TENM4: variants seen among roughly 807,000 people sequenced by gnomAD.
TENM4 encodes teneurin transmembrane protein 4, also known as teneurin-4.
TENM4 carries 82 observed loss-of-function variants against 243.3 expected under a neutral mutation model. The ratio of observed to expected loss-of-function variants is 0.34; its 90% confidence interval spans 0.28 to 0.40. The LOEUF (loss-of-function observed/expected upper bound fraction) is 0.40. TENM4 is among the 10% of genes least tolerant of loss of function. TENM4 has a pLI of 1.00. For synonymous variants in TENM4, 1,412 were observed against 1,456.3 expected (o/e 0.97, Z 0.69); for missense variants, 3,138 against 3,673.3 (o/e 0.85, Z 3.77).
rs567701049 is a variant in TENM4 at position 79,035,454 on chromosome 11, A to G, written c.493+29284T>C. On this transcript the variant is annotated intron_variant, in intron 6 of 33. Transcript: ENST00000278550. ...TATGTCTCTTCATCCTGCCTTTGTC[A>G]TTCCTCCTTAAAACAGTTTTGGTCT... 1.1e-4 allele frequency among the ~76,000 whole-genome samples: 16 copies of G among 151,886 alleles called. 1 individual carries two copies. The East Asian group carries it at 2.9e-3, about 28-fold the overall frequency.
At chr11:78,693,515 T>C (rs1013036730) in intron 28 of TENM4, among the ~76,000 whole-genome samples, 1 of 152,192 alleles carries the variant, frequency 6.6e-6, no homozygotes, top group Non-Finnish European at 1.5e-5. Flanking sequence ...AAGTCTCAGG[T>C]GGGTCAAGAA....
chr11:79,236,582 A>G (rs1339122388), intron 2 of TENM4, among the ~76,000 whole-genome samples: 1 of 152,146 alleles, frequency 6.6e-6, no homozygotes, highest in Non-Finnish European at 1.5e-5. Flanking sequence ...ATGGTGAGCG[A>G]ACCCTCAGAA....
intron 2 of TENM4, among the ~76,000 whole-genome samples, chr11:79,219,728 G>A (rs1358977727): frequency 6.6e-6 from 1 of 152,156 alleles, no homozygotes; most frequent in African/African-American, 2.4e-5. Flanking sequence ...TGACACAACC[G>A]TCTTTCTTCT....
intron 1 of TENM4, among the ~76,000 whole-genome samples, chr11:79,400,536 G>T (rs1331895758): frequency 6.6e-6 from 1 of 152,154 alleles, no homozygotes; most frequent in East Asian, 1.9e-4. Context: ...TCCTCCCTGT[G>T]CTCTTCCTGG....
chr11:79,006,018 A>C (rs769808372), intron 6 of TENM4, among the ~76,000 whole-genome samples: 2 of 152,204 alleles, frequency 1.3e-5, no homozygotes, highest in Non-Finnish European at 2.9e-5. Flanking sequence ...TCACCACAAC[A>C]GAATTATATT....
At position 78,903,520 on chromosome 11, in the gene TENM4, T is replaced by C; in HGVS notation, c.497A>G (p.His166Arg). 1 of 1,546,120 alleles carries C rather than the reference T, an allele frequency of 6.5e-7. No homozygotes were observed. Among genetic ancestry groups the C allele is most frequent in the Non-Finnish European group, 8.7e-7 (1 of 1,146,594 alleles). ...DTEHENTETDHPGGLQNHARL... is the reference protein window; with the variant it reads ...DTEHENTETDRPGGLQNHARL... ...CGCGTGGTTCTGCAGGCCGCCCGGA[T>C]GATCTAGGGCACAAACATGGCGGTC... is the stretch of plus-strand genomic sequence containing the variant. The change falls in exon 7 of 34, where the codon CAT (histidine) becomes CGT (arginine). Residue 166 changes from histidine (H) to arginine (R), a missense_variant. By Grantham distance (29) the His-to-Arg change is conservative (BLOSUM62 0). Transcript: ENST00000278550.
chr11:79,097,921 T>A (rs1861124356), intron 4 of TENM4: 1 of 151,984 alleles, frequency 6.6e-6, no homozygotes, highest in Non-Finnish European at 1.5e-5. Context: ...GTCAGCACAC[T>A]GACCACCAGC....
intron 3 of TENM4, among the ~76,000 whole-genome samples, chr11:79,174,284 A>T (rs963789592): frequency 1.3e-5 from 2 of 151,486 alleles, no homozygotes; most frequent in Non-Finnish European, 2.9e-5. Flanking sequence ...AACGTTGTAC[A>T]TGATGCTCTC....
intron 1 of TENM4, among the ~76,000 whole-genome samples, chr11:79,439,936 G>A (rs949467539): frequency 1.3e-5 from 2 of 152,050 alleles, no homozygotes; most frequent in African/African-American, 4.8e-5. Context: ...CCGGTGAGGA[G>A]AGGCGGGCGC....
At position 78,903,483 on chromosome 11, in the gene TENM4, C is replaced by T. The variant is rs1231103079; in HGVS notation, c.534G>A (p.Thr178=). 19 of 1,546,594 alleles carry T rather than the reference C, an allele frequency of 1.2e-5. No individual in the cohort carries two copies. In the South Asian group the frequency reaches 1.4e-4, roughly 12 times the overall value. ...GGLQNHARLR[T]PPPPLSHAHT... ...GGGCGTGCGAGAGCGGCGGCGGCGG[C>T]GTCCGGAGCCGCGCGTGGTTCTGCA... is the stretch of plus-strand genomic sequence containing the variant. The change falls in exon 7 of 34, where the codon ACG becomes ACA. Residue 178 remains threonine (T), a synonymous_variant. Transcript: ENST00000278550.
At chr11:78,992,462 G>A (rs1858070076) in intron 6 of TENM4, among the ~76,000 whole-genome samples, 1 of 152,162 alleles carries the variant, frequency 6.6e-6, no homozygotes. Flanking sequence ...CATTGCTTTA[G>A]GTTAGAAGAC....
chr11:79,434,982 G>A (rs1364907495), intron 1 of TENM4, among the ~76,000 whole-genome samples: 2 of 152,094 alleles, frequency 1.3e-5, no homozygotes, highest in African/African-American at 2.4e-5. Context: ...CTATAACATT[G>A]GGGGTCTATG....
At chr11:79,074,708 G>A (rs769189825) in intron 4 of TENM4, among the ~76,000 whole-genome samples, 3 of 152,188 alleles carry the variant, frequency 2.0e-5, no homozygotes, top group Non-Finnish European at 2.9e-5. Flanking sequence ...ACCTAAGGGC[G>A]GCACCAGGAG....
At chr11:79,345,025 T>C (rs925656663) in intron 1 of TENM4, among the ~76,000 whole-genome samples, 5 of 152,240 alleles carry the variant, frequency 3.3e-5, no homozygotes, top group Non-Finnish European at 7.3e-5. Context: ...TGCTTGAGAA[T>C]TCCAAATGGA....
intron 2 of TENM4, among the ~76,000 whole-genome samples, chr11:79,267,420 A>G (rs1232845027): frequency 6.6e-6 from 1 of 152,208 alleles, no homozygotes; most frequent in Admixed American, 6.5e-5. Flanking sequence ...TGTTCAGCCC[A>G]TAGTTCTAAT....
intron 1 of TENM4, among the ~76,000 whole-genome samples, chr11:79,356,634 C>G (rs1031452031): frequency 2.6e-5 from 4 of 151,942 alleles, no homozygotes; most frequent in African/African-American, 9.7e-5. Flanking sequence ...TTCAGAGGAT[C>G]AAGAAAGATA....
At chr11:79,399,051 C>T (rs1368933920) in intron 1 of TENM4, among the ~76,000 whole-genome samples, 5 of 152,162 alleles carry the variant, frequency 3.3e-5, no homozygotes, top group African/African-American at 9.7e-5. Flanking sequence ...TACAAAAGAA[C>T]AGGATTTATT....
chr11:78,710,470 A>G (rs1859371527), intron 26 of TENM4, among the ~76,000 whole-genome samples: 2 of 152,236 alleles, frequency 1.3e-5, no homozygotes, highest in African/African-American at 4.8e-5. Context: ...ACAGAGGACC[A>G]GGCAGCCTCA....
intron 9 of TENM4, among the ~76,000 whole-genome samples, chr11:78,874,430 G>A (rs750674234): frequency 3.9e-5 from 6 of 152,140 alleles, no homozygotes; most frequent in South Asian, 2.1e-4. Context: ...AATACAGTCT[G>A]TGTTTAATAC....
Sources: allele counts gnomAD v4.1 joint callset (sites outside exome capture counted in the v4.1 genomes callset), GRCh38; gene constraint gnomAD v4.1.1; transcripts MANE v1.5; gene names NCBI Gene and HGNC (gene_info 2026-07-23, HGNC 2026-07-21).